Variants in MAIP1 observed in about 807,000 individuals in gnomAD.
The protein encoded by MAIP1 is matrix AAA peptidase interacting protein 1.
Under a neutral mutation model 31.2 loss-of-function variants are expected in MAIP1, and 28 were observed. That is an observed-to-expected ratio of 0.90 (90% CI 0.67 to 1.23). The LOEUF (loss-of-function observed/expected upper bound fraction) is 1.23, where lower values mean the gene tolerates loss of function less well. MAIP1 is among the 50% of genes most tolerant of loss of function. The probability of loss-of-function intolerance (pLI) is 0.00; values close to 1 mark genes in which losing one functional copy is unlikely to be tolerated. For synonymous variants in MAIP1, 142 were observed against 142.3 expected (o/e 1.00, Z 0.02); for missense variants, 339 against 356.0 (o/e 0.95, Z 0.38).
chr2:199,960,481 A>G (rs2077629958), intron 3 of MAIP1, among the ~76,000 whole-genome samples: 1 of 152,208 alleles, frequency 6.6e-6, no homozygotes, highest in African/African-American at 2.4e-5. Context: ...GGGGTTTCGC[A>G]TCCACAGATT....
intron 4 of MAIP1, 89 bp from the exon 5 acceptor site, chr2:199,963,641 ATTC>A (rs1212948173): frequency 9.3e-6 from 7 of 753,156 alleles, no homozygotes; most frequent in Admixed American, 5.6e-5. Flanking sequence ...GTTGCCAAAA[ATTC>A]TTCTAAATAT....
intron 4 of MAIP1, 29 bp from the exon 5 acceptor site, chr2:199,963,703 GA>G (rs2077648147): frequency 7.2e-7 from 1 of 1,387,102 alleles, no homozygotes; most frequent in African/African-American, 1.4e-5. Flanking sequence ...ACTGATGTAA[GA>G]TTTACATTAT....
chr2:199,955,470 T>G, upstream of MAIP1: 11 of 1,613,676 alleles, frequency 6.8e-6, no homozygotes, highest in Non-Finnish European at 8.5e-6. Context: ...TGCCCGGCCA[T>G]GGTTGCTCAC....
rs775358779 is a variant in MAIP1, at chr2:199,956,140, A to G, written c.342A>G (p.Gly114=). The change falls in exon 1 of 5, where the codon GGA becomes GGG. Residue 114 remains glycine (G), a synonymous_variant. Coordinates refer to ENST00000392290, the MANE Select transcript of MAIP1 (RefSeq NM_001394955.1). ...AGAAAACCAAGATGATCGTCCTGGG[A>G]TTCTCCAACCCCATCAACTGGGTTA... The part of the protein sequence containing the change: ...QHQKTKMIVL[G]FSNPINWVRT... 11 of 1,614,056 alleles carry G rather than the reference A, an allele frequency of 6.8e-6. No homozygotes were observed. In the South Asian group the frequency reaches 9.9e-5, roughly 14 times the overall value.
At chr2:199,958,537 C>A (rs1373087459) in intron 1 of MAIP1, among the ~76,000 whole-genome samples, 1 of 152,168 alleles carries the variant, frequency 6.6e-6, no homozygotes, top group Non-Finnish European at 1.5e-5. Context: ...CTCTGATCCT[C>A]CCAGATTGGG....
In MAIP1 at chr2:199,959,288, G is replaced by A. The variant is rs780602635; in HGVS notation, c.471G>A (p.Lys157=). The A allele has an allele frequency of 6.3e-7, 1 of 1,592,260 alleles. No homozygotes were observed. ...TCAAGGCTTTTGCTCATGTATCCAA[G>A]TTGCTGTCACAGTGTAAATTTGATC... ...GAKQAFAHVS[K]LLSQCKFDLL... The change falls in exon 2 of 5, where the codon AAG becomes AAA. Residue 157 remains lysine (K), a synonymous_variant. Transcript: ENST00000392290.
chr2:199,956,763 C>T (rs1168224939), intron 1 of MAIP1, among the ~76,000 whole-genome samples: 4 of 152,150 alleles, frequency 2.6e-5, no homozygotes, highest in African/African-American at 9.7e-5. Flanking sequence ...AACTTCCTGC[C>T]AGCTATTAGA....
At chr2:199,959,673 G>A (rs2077625799) in intron 2 of MAIP1, 81 bp from the exon 3 acceptor site, 4 of 1,233,814 alleles carry the variant, frequency 3.2e-6, no homozygotes. Context: ...TTGGAAAAAT[G>A]TATTCCATGA....
Position 199,959,763 on chromosome 2 carries a change from G to C in MAIP1, c.532G>C (p.Ala178Pro). ...CTTTTTTCAAACTTAGGTGCTACAT[G>C]CATTGAAAGAAAAGGTTACTTCACT... ...EELVAKEVLH[A>P]LKEKVTSLPD... The change falls in exon 3 of 5, where the codon GCA becomes CCA. Residue 178 changes from alanine (A) to proline (P), a missense_variant. Coordinates refer to ENST00000392290, the MANE Select transcript of MAIP1 (RefSeq NM_001394955.1). 1 of 1,611,612 alleles carries C rather than the reference G, an allele frequency of 6.2e-7. No homozygotes were observed. Among genetic ancestry groups the C allele is most frequent in the Non-Finnish European group, 8.5e-7 (1 of 1,179,086 alleles).
Position 199,955,645 on chromosome 2 carries a change from G to C in MAIP1, c.-154G>C. 3 of 1,122,126 alleles carry C rather than the reference G, an allele frequency of 2.7e-6. No individual in the cohort carries two copies. Among genetic ancestry groups the C allele is most frequent in the Non-Finnish European group, 3.7e-6 (3 of 807,930 alleles). The allele number at this position is 1,122,126 out of a possible 1,614,324, so 69.5% of individuals were successfully genotyped here. On this transcript the variant is annotated 5_prime_UTR_variant, in exon 1 of 5. Coordinates refer to ENST00000392290, the MANE Select transcript of MAIP1 (RefSeq NM_001394955.1). Reference sequence around the variant, plus strand: ...GCCGAAGGGCCTCGGCCTGGGCTGCGTGCTGGAGAGCGGGGACGGGGCCGA... The same window carrying C: ...GCCGAAGGGCCTCGGCCTGGGCTGCCTGCTGGAGAGCGGGGACGGGGCCGA...
chr2:199,955,511 G>A (rs370878553), upstream of MAIP1: 4 of 1,603,972 alleles, frequency 2.5e-6, no homozygotes, highest in Admixed American at 3.4e-5. Context: ...TCGGAACTTC[G>A]GCTCTAAAGC....
rs936558998 is a variant in MAIP1, at chr2:199,959,333, C to A, written c.516C>A (p.Ala172=). Residue 172 remains alanine, a synonymous_variant, in exon 2 of 5, where the codon GCC becomes GCA. Transcript: ENST00000392290. The part of the protein sequence containing the change: ...CKFDLLEELV[A]KEVLHALKEK... Reference sequence around the variant, plus strand: ...TTGATCTGTTGGAAGAACTTGTGGCCAAAGAGGTAAAGTATATTTTACATT... The same window carrying A: ...TTGATCTGTTGGAAGAACTTGTGGCAAAAGAGGTAAAGTATATTTTACATT... The A allele has an allele frequency of 2.6e-6, 4 of 1,543,474 alleles. No individual in the cohort carries two copies. The highest frequency in any genetic ancestry group is 3.6e-6 in the Non-Finnish European group (4 of 1,116,748).
In MAIP1 at chr2:199,955,973, A is replaced by G. The variant is rs757489865; in HGVS notation, c.175A>G (p.Arg59Gly). Residue 59 changes from arginine to glycine, a missense_variant, in exon 1 of 5, where the codon AGG (arginine) becomes GGG (glycine). Arg to Gly is a moderately radical substitution (Grantham distance 125). Coordinates refer to ENST00000392290, the MANE Select transcript of MAIP1 (RefSeq NM_001394955.1). ...AGCGGCGTTATTTCCACGAAGCGCT[A>G]GGGCCTTGGCAGCCTCGGCGCTACC... Reference protein sequence around the residue: ...LGAALFPRSARALAASALPAQ... With the variant: ...LGAALFPRSAGALAASALPAQ... 6.8e-6 allele frequency: 11 copies of G among 1,612,502 alleles called. No homozygotes were observed. The highest frequency in any genetic ancestry group is 9.3e-6 in the Non-Finnish European group (11 of 1,179,342).
chr2:199,956,088 G>C lies in MAIP1; in HGVS notation c.290G>C (p.Ser97Thr). ...SFPACPQRSYSTEEKPQQHQK... is the reference protein window; with the variant it reads ...SFPACPQRSYTTEEKPQQHQK... ...CCTGCCTGCCCTCAGCGCAGCTACA[G>C]CACGGAGGAGAAGCCCCAGCAGCAC... The change falls in exon 1 of 5, where the codon AGC becomes ACC. Residue 97 changes from serine to threonine, a missense_variant. Coordinates refer to ENST00000392290, the MANE Select transcript of MAIP1 (RefSeq NM_001394955.1). The C allele has an allele frequency of 6.2e-7, 1 of 1,614,080 alleles. No homozygotes were observed. The highest frequency in any genetic ancestry group is 8.5e-7 in the Non-Finnish European group (1 of 1,179,950).
Position 199,963,845 on chromosome 2 carries a change from A to G in MAIP1, c.*34A>G. The G allele has an allele frequency of 7.0e-7, 1 of 1,422,490 alleles. No homozygotes were observed. The highest frequency in any genetic ancestry group is 9.8e-7 in the Non-Finnish European group (1 of 1,017,538). 88.1% of individuals were successfully genotyped at this position (1,422,490 alleles called of 1,614,324 possible). A position where few individuals can be genotyped will look rare whatever the true frequency, so the allele number is the denominator to read the frequency against. ...GAAAAATCAGCTTATGGACTTTAGC[A>G]GTTGCTGTGAAAAACTAAGGAAGAA... On this transcript the variant is annotated 3_prime_UTR_variant, in exon 5 of 5. Coordinates refer to ENST00000392290, the MANE Select transcript of MAIP1 (RefSeq NM_001394955.1).
At chr2:199,961,673 C>A in intron 3 of MAIP1, 108 bp from the exon 4 acceptor site, 1 of 905,034 alleles carries the variant, frequency 1.1e-6, no homozygotes, top group South Asian at 2.0e-5. Flanking sequence ...CAAAATTTGA[C>A]CTGTAACAAC....
intron 3 of MAIP1, among the ~76,000 whole-genome samples, chr2:199,961,320 C>T (rs1200710276): frequency 5.3e-5 from 8 of 151,910 alleles, no homozygotes; most frequent in Admixed American, 1.3e-4. Flanking sequence ...AAAAAATAGC[C>T]GGGCATGGTG....
chr2:199,959,700 A>G lies in MAIP1; in HGVS notation c.523-54A>G, dbSNP rs1185101788. On this transcript the variant is annotated intron_variant, in intron 2 of 4. Transcript: ENST00000392290. Reference sequence around the variant, plus strand: ...ATTCCATGATAAAGATCACTTTTTGAAAGTTTTCAAAAATTGTATCAGTGA... The same window carrying G: ...ATTCCATGATAAAGATCACTTTTTGGAAGTTTTCAAAAATTGTATCAGTGA... 8 of 1,518,904 alleles carry G rather than the reference A, an allele frequency of 5.3e-6. No individual in the cohort carries two copies. The African/African-American group carries it at 9.7e-5, about 18-fold the overall frequency. 94.1% of individuals were successfully genotyped at this position (1,518,904 alleles called of 1,614,324 possible). A position where few individuals can be genotyped will look rare whatever the true frequency, so the allele number is the denominator to read the frequency against.
intron 3 of MAIP1, 53 bp from the exon 4 acceptor site, chr2:199,961,728 T>C (rs781137542): frequency 2.2e-4 from 331 of 1,501,764 alleles, no homozygotes; most frequent in Non-Finnish European, 2.7e-4. Flanking sequence ...TTTATATGGA[T>C]GATAGATTAT....
Sources: allele counts gnomAD v4.1 joint callset (sites outside exome capture counted in the v4.1 genomes callset), GRCh38; gene constraint gnomAD v4.1.1; transcripts MANE v1.5; gene names NCBI Gene and HGNC (gene_info 2026-07-23, HGNC 2026-07-21).